Variants in SGIP1 observed in about 807,000 individuals in gnomAD.
SGIP1 encodes SH3GL interacting endocytic adaptor 1.
In SGIP1, 38 loss-of-function variants were observed where a neutral mutation model predicts 107.5. That is an observed-to-expected ratio of 0.35 (90% CI 0.27 to 0.46). The LOEUF is 0.46. Among genes scored for constraint, SGIP1 ranks in the 20% least tolerant of loss-of-function variants. The probability of loss-of-function intolerance (pLI) is 1.00; values close to 1 mark genes in which losing one functional copy is unlikely to be tolerated. For missense variants in SGIP1, 929 were observed against 1,019.5 expected (o/e 0.91, Z 1.21); for synonymous variants, 365 against 366.1 (o/e 1.00, Z 0.03).
chr1:66,741,510 G>A, intron 24 of SGIP1, 74 bp downstream of exon 24: 1 of 1,382,154 alleles, frequency 7.2e-7, no homozygotes, highest in Non-Finnish European at 9.5e-7. Context: ...AATAGGTTGT[G>A]ATTTTCTCAT....
chr1:66,636,704 A>G (rs2075844187), intron 4 of SGIP1, among the ~76,000 whole-genome samples: 1 of 152,180 alleles, frequency 6.6e-6, no homozygotes, highest in Non-Finnish European at 1.5e-5. Context: ...AGTCAGGTCT[A>G]CCACAGTGGA....
intron 1 of SGIP1, among the ~76,000 whole-genome samples, chr1:66,555,698 C>T (rs190519164): frequency 2.6e-5 from 4 of 152,160 alleles, no homozygotes; most frequent in Admixed American, 1.3e-4. Flanking sequence ...TTAAGGAAGA[C>T]CAAAATCAAT....
At chr1:66,599,880 A>T (rs917884512) in intron 1 of SGIP1, among the ~76,000 whole-genome samples, 3 of 152,196 alleles carry the variant, frequency 2.0e-5, no homozygotes, top group Non-Finnish European at 4.4e-5. Context: ...ATCTATTTTC[A>T]ACCTGATGAA....
chr1:66,699,724 G>T (rs2091583647), intron 18 of SGIP1, among the ~76,000 whole-genome samples: 1 of 151,958 alleles, frequency 6.6e-6, no homozygotes, highest in Non-Finnish European at 1.5e-5. Context: ...CCTTACTAGT[G>T]AACAAAACAG....
chr1:66,740,842 T>G (rs761344999), intron 23 of SGIP1, 120 bp downstream of exon 23: 126 of 663,528 alleles, frequency 1.9e-4, no homozygotes, highest in Non-Finnish European at 2.9e-4. Flanking sequence ...ACTCCATTTT[T>G]GCGTTTACTT....
At chr1:66,689,339 GC>G in intron 16 of SGIP1, 64 bp downstream of exon 16, 1 of 1,574,256 alleles carries the variant, frequency 6.4e-7, no homozygotes, top group African/African-American at 1.4e-5. Context: ...AGCTCCAAAT[GC>G]CTTCAGGTCT....
chr1:66,682,215 C>A lies in SGIP1; in HGVS notation c.1161C>A (p.Thr387=), dbSNP rs142047934. ...EEVQKKVAEQ[T]FIKDDYLETI... The stretch of plus-strand genomic sequence containing the variant: ...TCCAGAAGAAAGTCGCTGAGCAGAC[C>A]TTCATTAAAGATGATTACTTAGAAA... Residue 387 remains threonine, a synonymous_variant, in exon 15 of 25, where the codon ACC becomes ACA. Coordinates refer to ENST00000371037, the MANE Select transcript of SGIP1 (RefSeq NM_032291.4). The A allele has an allele frequency of 3.9e-5, 63 of 1,614,124 alleles. No homozygotes were observed. The African/African-American group carries it at 6.8e-4, about 17-fold the overall frequency.
At chr1:66,550,053 C>A (rs1365653779) in intron 1 of SGIP1, among the ~76,000 whole-genome samples, 1 of 152,158 alleles carries the variant, frequency 6.6e-6, no homozygotes, top group Non-Finnish European at 1.5e-5. Flanking sequence ...GCTATACCCA[C>A]TCTGCTCTAT....
chr1:66,598,551 G>T (rs1268521381), intron 1 of SGIP1, among the ~76,000 whole-genome samples: 1 of 152,162 alleles, frequency 6.6e-6, no homozygotes, highest in East Asian at 1.9e-4. Flanking sequence ...TTGGCCCACG[G>T]TTCTGCAGGC....
At chr1:66,545,761 A>G (rs542018217) in intron 1 of SGIP1, among the ~76,000 whole-genome samples, 18 of 152,102 alleles carry the variant, frequency 1.2e-4, no homozygotes, top group African/African-American at 4.1e-4. Context: ...CAAAATTTGT[A>G]GCACAGGCTG....
At chr1:66,609,115 A>G (rs1428735861) in intron 1 of SGIP1, among the ~76,000 whole-genome samples, 5 of 150,518 alleles carry the variant, frequency 3.3e-5, no homozygotes, top group Non-Finnish European at 5.9e-5. Flanking sequence ...ATCTGCAGTC[A>G]GGACACTGAA....
At chr1:66,597,651 A>C (rs1417930173) in intron 1 of SGIP1, among the ~76,000 whole-genome samples, 1 of 152,026 alleles carries the variant, frequency 6.6e-6, no homozygotes, top group African/African-American at 2.4e-5. Flanking sequence ...CTCAACACAC[A>C]CTCAAGGTAG....
intron 1 of SGIP1, among the ~76,000 whole-genome samples, chr1:66,614,563 T>C (rs1029575369): frequency 6.6e-6 from 1 of 152,218 alleles, no homozygotes; most frequent in Non-Finnish European, 1.5e-5. Context: ...TATGTGTGTT[T>C]ATCTGATGGC....
Position 66,552,650 on chromosome 1 carries a change from T to C in SGIP1, c.10+18282T>C, listed in dbSNP as rs561086941. ...CTAATTTACTTCTCTTCTCTGTGCC[T>C]CTACTTTCTGTTTTCTCAGCTTTGA... On this transcript the variant is annotated intron_variant, in intron 1 of 24. Transcript: ENST00000371037. Among the ~76,000 whole-genome samples, 11 of 152,306 alleles carry C rather than the reference T, an allele frequency of 7.2e-5. No individual in the cohort carries two copies. In the East Asian group the frequency reaches 2.1e-3, roughly 29 times the overall value.
At chr1:66,741,151 A>C (rs1185322865) in intron 23 of SGIP1, 121 bp from the exon 24 acceptor site, 1 of 1,039,586 alleles carries the variant, frequency 9.6e-7, no homozygotes, top group Non-Finnish European at 1.4e-6. Context: ...AAACTCATTT[A>C]ATCACCATTT....
At chr1:66,700,340 C>G (rs2091699287) in intron 18 of SGIP1, among the ~76,000 whole-genome samples, 1 of 139,380 alleles carries the variant, frequency 7.2e-6, no homozygotes, top group Admixed American at 8.0e-5. Flanking sequence ...CACTGCACTC[C>G]AGCCTGGGTG....
At chr1:66,705,814 G>T (rs1225273371) in intron 18 of SGIP1, among the ~76,000 whole-genome samples, 1 of 152,060 alleles carries the variant, frequency 6.6e-6, no homozygotes, top group African/African-American at 2.4e-5. Flanking sequence ...AGTAGGAGTT[G>T]AACAATGAGA....
In SGIP1 at chr1:66,634,071, T is replaced by C. The variant is rs1322031328; in HGVS notation, c.99+977T>C. On this transcript the variant is annotated intron_variant, in intron 3 of 24. Coordinates refer to ENST00000371037, the MANE Select transcript of SGIP1 (RefSeq NM_032291.4). ...CATTGGGTAACACTATAATCAAGGC[T>C]CTATTCAGCAGGGGAAAAAAAAGAC... 4 of 1,598,374 alleles carry C rather than the reference T, an allele frequency of 2.5e-6. No individual in the cohort carries two copies. In the Admixed American group the frequency reaches 6.9e-5, roughly 27 times the overall value.
chr1:66,689,083 T>C (rs557347616), intron 15 of SGIP1, 65 bp from the exon 16 acceptor site: 5 of 1,529,130 alleles, frequency 3.3e-6, no homozygotes, highest in South Asian at 1.3e-5. Context: ...ACTGGCATTA[T>C]ACTGTGATAA....
Sources: allele counts gnomAD v4.1 joint callset (sites outside exome capture counted in the v4.1 genomes callset), GRCh38; gene constraint gnomAD v4.1.1; transcripts MANE v1.5; gene names NCBI Gene and HGNC (gene_info 2026-07-23, HGNC 2026-07-21).